Variants in BCAS1 observed in about 807,000 individuals in gnomAD.
The protein encoded by BCAS1 is breast carcinoma-amplified sequence 1.
A neutral mutation model predicts 65.4 loss-of-function variants in BCAS1; 46 were observed. The observed-to-expected ratio is 0.70, with a 90% confidence interval of 0.55 to 0.90. BCAS1 has a LOEUF of 0.90. Ranked by LOEUF, BCAS1 falls within the 40% of genes least tolerant of loss-of-function variation. BCAS1 has a pLI of 0.00. For missense variants in BCAS1, 793 were observed against 771.2 expected, an observed-to-expected ratio of 1.03 and a Z score of -0.33; for synonymous variants, 298 against 293.5, an observed-to-expected ratio of 1.02 and a Z score of -0.16.
chr20:54,017,226 T>C (rs899773032), intron 4 of BCAS1, among the ~76,000 whole-genome samples: 1 of 152,128 alleles, frequency 6.6e-6, no homozygotes, highest in African/African-American at 2.4e-5. Context: ...GGTAAGTGAA[T>C]TTGTCAACTT....
intron 3 of BCAS1, among the ~76,000 whole-genome samples, chr20:54,052,851 TACAA>T (rs2092240681): frequency 6.6e-6 from 1 of 152,238 alleles, no homozygotes; most frequent in Non-Finnish European, 1.5e-5. Context: ...GTTATAGCAG[TACAA>T]ACAGATTACG....
chr20:54,028,711 C>T lies in BCAS1; in HGVS notation c.404G>A (p.Ser135Asn). Residue 135 changes from serine (S) to asparagine (N), a missense_variant, in exon 4 of 13, where the codon AGT (serine) becomes AAT (asparagine). Physicochemically the swap from Ser to Asn is conservative, Grantham distance 46. Transcript: ENST00000688948. The part of the protein sequence containing the change: ...SNKAPANKDP[S>N]ESWTLPVAAG... ...TGCCACCGGAAGTGTCCAGCTCTCA[C>T]TTGGGTCTTTGTTCGCTGGAGCTTT... 6.8e-6 allele frequency: 11 copies of T among 1,614,210 alleles called. No homozygotes were observed. The highest frequency in any genetic ancestry group is 9.3e-6 in the Non-Finnish European group (11 of 1,180,034).
chr20:53,968,549 C>T (rs2090098632), intron 9 of BCAS1, among the ~76,000 whole-genome samples: 1 of 152,206 alleles, frequency 6.6e-6, no homozygotes, highest in Non-Finnish European at 1.5e-5. Flanking sequence ...CAGGGAGTTG[C>T]CCATCAGTAA....
At chr20:53,982,433 G>T (rs2090506972) in intron 8 of BCAS1, among the ~76,000 whole-genome samples, 1 of 152,106 alleles carries the variant, frequency 6.6e-6, no homozygotes, top group Admixed American at 6.5e-5. Flanking sequence ...TAGCAATAAA[G>T]ACTATAAATC....
intron 3 of BCAS1, among the ~76,000 whole-genome samples, chr20:54,044,408 G>T (rs764304929): frequency 6.6e-6 from 1 of 152,176 alleles, no homozygotes; most frequent in Non-Finnish European, 1.5e-5. Flanking sequence ...AACAGCAGTT[G>T]CATGACAGTT....
intron 9 of BCAS1, among the ~76,000 whole-genome samples, chr20:53,974,598 T>C (rs1302789591): frequency 2.6e-5 from 4 of 152,200 alleles, no homozygotes; most frequent in Admixed American, 6.5e-5. Flanking sequence ...CAGAACAAGT[T>C]TTGCTTTGGC....
chr20:54,000,174 C>T (rs566757716), intron 4 of BCAS1, among the ~76,000 whole-genome samples: 1 of 152,302 alleles, frequency 6.6e-6, no homozygotes, highest in Non-Finnish European at 1.5e-5. Context: ...CCTCTTCCCC[C>T]TAAGGACATC....
chr20:53,990,905 C>T (rs1291887312), intron 7 of BCAS1, among the ~76,000 whole-genome samples: 1 of 152,192 alleles, frequency 6.6e-6, no homozygotes, highest in Non-Finnish European at 1.5e-5. Flanking sequence ...GAAGGCTGTT[C>T]CCGCGGCCTC....
At chr20:53,952,031 A>T (rs1041042517) in intron 12 of BCAS1, among the ~76,000 whole-genome samples, 1 of 152,224 alleles carries the variant, frequency 6.6e-6, no homozygotes, top group Non-Finnish European at 1.5e-5. Flanking sequence ...TTCCATATGT[A>T]AATCAAATGA....
At chr20:53,985,110 C>T (rs1401777506) in intron 8 of BCAS1, among the ~76,000 whole-genome samples, 177 bp downstream of exon 8, 6 of 152,112 alleles carry the variant, frequency 3.9e-5, no homozygotes, top group Admixed American at 6.5e-5. Context: ...ACATGACAGG[C>T]GTTTCATTTT....
At chr20:53,947,179 C>G (rs1245444785) in intron 12 of BCAS1, among the ~76,000 whole-genome samples, 1 of 152,066 alleles carries the variant, frequency 6.6e-6, no homozygotes, top group Non-Finnish European at 1.5e-5. Flanking sequence ...TCTACTTAAG[C>G]CTTAATTTTA....
intron 3 of BCAS1, among the ~76,000 whole-genome samples, chr20:54,048,301 A>G (rs181892262): frequency 6.6e-6 from 1 of 152,164 alleles, no homozygotes; most frequent in Non-Finnish European, 1.5e-5. Flanking sequence ...TCTGGCAGAC[A>G]CTGTTTGTGG....
rs961126876 is a variant in BCAS1 at position 54,033,001 on chromosome 20, T to C, written c.143-4029A>G. On this transcript the variant is annotated intron_variant, in intron 3 of 12. Transcript: ENST00000688948. ...ATAGATATCTACAGGACTGTCCTAC[T>C]TGAAACCATACAATTACATGGTAAT... Among the ~76,000 whole-genome samples, 6 of 150,954 alleles carry C rather than the reference T, an allele frequency of 4.0e-5. 1 individual carries two copies. The highest frequency in any genetic ancestry group is 1.5e-4 in the African/African-American group (6 of 41,316).
intron 3 of BCAS1, among the ~76,000 whole-genome samples, chr20:54,037,679 C>T (rs1377589790): frequency 2.0e-5 from 3 of 151,332 alleles, no homozygotes; most frequent in African/African-American, 7.3e-5. Flanking sequence ...TTTTACAGGT[C>T]GTGAAACTGA....
At position 54,028,948 on chromosome 20, in the gene BCAS1, G is replaced by A. The variant is rs76481467; in HGVS notation, c.167C>T (p.Thr56Met). 2,947 of 1,610,810 alleles carry A rather than the reference G, an allele frequency of 1.8e-3. 59 individuals carry two copies. In the African/African-American group the frequency reaches 0.033, roughly 18 times the overall value. ...EEVDLGISVK[T>M]DNVATSSPET... ...GGGGGAAGAAGTGGCCACATTATCCGTCTTGACACTTATTCCCAAGTCGAC... is the reference window on the plus strand; with the variant it reads ...GGGGGAAGAAGTGGCCACATTATCCATCTTGACACTTATTCCCAAGTCGAC... Residue 56 changes from threonine to methionine, a missense_variant, in exon 4 of 13, where the codon ACG (threonine) becomes ATG (methionine). Coordinates refer to ENST00000688948, the MANE Select transcript of BCAS1 (RefSeq NM_001366298.2).
At chr20:54,007,167 G>GC (rs2091216129) in intron 4 of BCAS1, among the ~76,000 whole-genome samples, 1 of 152,178 alleles carries the variant, frequency 6.6e-6, no homozygotes, top group South Asian at 2.1e-4. Context: ...AATAAAAGGG[G>GC]CTATGTCTAG....
intron 4 of BCAS1, among the ~76,000 whole-genome samples, chr20:54,018,377 T>C (rs1005840514): frequency 6.6e-6 from 1 of 151,622 alleles, no homozygotes; most frequent in African/African-American, 2.4e-5. Context: ...ATTTGTTGCA[T>C]GAATAAATGA....
chr20:53,944,881 C>A lies in BCAS1; in HGVS notation c.*41G>T, dbSNP rs774758065. On this transcript the variant is annotated 3_prime_UTR_variant, in exon 13 of 13. Transcript: ENST00000688948. Reference sequence around the variant, plus strand: ...AGGAGATGGAGTAAGGAGAACACATCTTGGTGGCAGGAGAACCTGGTGGGA... The same window carrying A: ...AGGAGATGGAGTAAGGAGAACACATATTGGTGGCAGGAGAACCTGGTGGGA... 1.3e-6 allele frequency: 2 copies of A among 1,573,656 alleles called. No individual in the cohort carries two copies. Among genetic ancestry groups the A allele is most frequent in the African/African-American group, 1.3e-5 (1 of 74,194 alleles).
chr20:54,042,991 C>T lies in BCAS1; in HGVS notation c.143-14019G>A, dbSNP rs57363071. 4.1e-3 allele frequency among the ~76,000 whole-genome samples: 617 copies of T among 152,304 alleles called. 11 individuals carry two copies. Among genetic ancestry groups the T allele is most frequent in the African/African-American group, 0.014 (575 of 41,566 alleles). ...CCATGTTGCAGAGTCTGAGCCTCTG[C>T]TTGGCAAATTCAGAAAATCCAGCTT... On this transcript the variant is annotated intron_variant, in intron 3 of 12. Transcript: ENST00000688948.
Sources: gnomAD v4.1 joint callset for allele counts (sites outside exome capture counted in the v4.1 genomes callset) on GRCh38, gnomAD v4.1.1 for gene constraint, MANE v1.5 for transcripts, NCBI Gene and HGNC (gene_info 2026-07-23, HGNC 2026-07-21) for gene names.